Variants in VGLL3 observed in about 807,000 individuals in gnomAD.
The protein encoded by VGLL3 is vestigial like family member 3.
VGLL3 carries 18 observed loss-of-function variants against 29.2 expected under a neutral mutation model. That is an observed-to-expected ratio of 0.62 (90% CI 0.43 to 0.91). The LOEUF is 0.91. VGLL3 is among the 40% of genes least tolerant of loss of function. The pLI is 0.00. For synonymous variants in VGLL3, 180 were observed against 151.8 expected (o/e 1.19, Z -1.36); for missense variants, 440 against 413.2 (o/e 1.06, Z -0.56).
At chr3:86,960,937 A>G (rs1428194807) in intron 3 of VGLL3, among the ~76,000 whole-genome samples, 7 of 10,120 alleles carry the variant, frequency 6.9e-4, no homozygotes, top group African/African-American at 1.6e-3. Flanking sequence ...ATTGTGATAT[A>G]TATATATATA....
chr3:86,968,702 G>C lies in VGLL3; in HGVS notation c.825C>G (p.Pro275=), dbSNP rs1443157890. 1.5e-5 allele frequency: 24 copies of C among 1,614,040 alleles called. No individual in the cohort carries two copies. Among genetic ancestry groups the C allele is most frequent in the Non-Finnish European group, 2.0e-5 (24 of 1,180,042 alleles). ...GTTCTGTCTTTGTGATGTCACACTGGGGAGCAGGAATCCTGGCCGCATGCA... is the reference window on the plus strand; with the variant it reads ...GTTCTGTCTTTGTGATGTCACACTGCGGAGCAGGAATCCTGGCCGCATGCA... ...PSVHAARIPA[P]QCDITKTEPT... is the part of the protein sequence containing the mutation. Residue 275 remains proline (P), a synonymous_variant, in exon 3 of 4, where the codon CCC becomes CCG. Coordinates refer to ENST00000398399, the MANE Select transcript of VGLL3 (RefSeq NM_016206.4).
rs758837597 is a variant in VGLL3, at chr3:86,978,662, G to A, written c.267C>T (p.Val89=). 1 of 1,614,072 alleles carries A rather than the reference G, an allele frequency of 6.2e-7. No homozygotes were observed. Among genetic ancestry groups the A allele is most frequent in the Non-Finnish European group, 8.5e-7 (1 of 1,180,008 alleles). The change falls in exon 2 of 4, where the codon GTC becomes GTT. Residue 89 remains valine (V), a synonymous_variant. Transcript: ENST00000398399. ...TGTCTCCCTGGAAATAAGTGAAAAG[G>A]ACACAGCGAGAGTTAAGGTACTCCA... is the stretch of plus-strand genomic sequence containing the variant. The part of the protein sequence containing the change: ...AEMEYLNSRC[V]LFTYFQGDIG...
chr3:86,951,290 A>G (rs775624361), intron 3 of VGLL3, among the ~76,000 whole-genome samples: 24 of 152,178 alleles, frequency 1.6e-4, no homozygotes, highest in Non-Finnish European at 2.6e-4. Context: ...CAATAACCAA[A>G]TCTTATTTAC....
intron 3 of VGLL3, among the ~76,000 whole-genome samples, chr3:86,948,467 G>A (rs1293207397): frequency 6.6e-6 from 1 of 152,044 alleles, no homozygotes; most frequent in Non-Finnish European, 1.5e-5. Flanking sequence ...GAGACATTAA[G>A]GCAATCTACA....
rs1377824776 is a variant in VGLL3, at chr3:86,939,595, A to C, written c.*7429T>G. On this transcript the variant is annotated 3_prime_UTR_variant, in exon 4 of 4. Transcript: ENST00000398399. Reference sequence around the variant, plus strand: ...AGCCGAGATCGCGCCACTGCACTCCAGCCTGACGACAGAGCAAGACTCCAT... The same window carrying C: ...AGCCGAGATCGCGCCACTGCACTCCCGCCTGACGACAGAGCAAGACTCCAT... The C allele has an allele frequency of 3.9e-5, 6 of 152,960 alleles. No homozygotes were observed. The highest frequency in any genetic ancestry group is 9.7e-5 in the African/African-American group (4 of 41,446). 9.5% of individuals were successfully genotyped at this position (152,960 alleles called of 1,614,324 possible).
At chr3:86,978,871 C>T (rs1450499747) in intron 1 of VGLL3, 69 bp from the exon 2 acceptor site, 1 of 1,458,810 alleles carries the variant, frequency 6.9e-7, no homozygotes, top group African/African-American at 1.4e-5. Flanking sequence ...GTTAAGTTTT[C>T]ACTTTTTTAA....
rs928189472 is a variant in VGLL3, at chr3:86,944,993, C to G, written c.*2031G>C. 1 of 152,070 alleles carries G rather than the reference C, an allele frequency of 6.6e-6. No individual in the cohort carries two copies. Among genetic ancestry groups the G allele is most frequent in the African/African-American group, 2.4e-5 (1 of 41,380 alleles). 9.4% of individuals were successfully genotyped at this position (152,070 alleles called of 1,614,324 possible). ...TTATAAATTCACTAAATTTTGTGCT[C>G]CATGTATTTGGGCAAATTATAAATG... On this transcript the variant is annotated 3_prime_UTR_variant, in exon 4 of 4. Transcript: ENST00000398399.
chr3:86,963,203 C>T (rs1276764490), intron 3 of VGLL3: 1 of 154,772 alleles, frequency 6.5e-6, no homozygotes, highest in Non-Finnish European at 1.5e-5. Flanking sequence ...GCTTATGCAT[C>T]AAATGCATAA....
At chr3:86,989,776 A>G (rs528781509) in intron 1 of VGLL3, among the ~76,000 whole-genome samples, 1 of 152,166 alleles carries the variant, frequency 6.6e-6, no homozygotes, top group African/African-American at 2.4e-5. Context: ...GCACTAACTA[A>G]GCCTTGGCAC....
rs1369939334 is a variant in VGLL3 at position 86,962,581 on chromosome 3, T to C, written c.937+6009A>G. 4 of 964,528 alleles carry C rather than the reference T, an allele frequency of 4.1e-6. No individual in the cohort carries two copies. In the African/African-American group the frequency reaches 5.3e-5, roughly 13 times the overall value. 59.7% of individuals were successfully genotyped at this position (964,528 alleles called of 1,614,324 possible). Reference sequence around the variant, plus strand: ...AAAAACAAAAATTTAAATTTAAATATTTTAAAAATTGCATATATATGCTCT... The same window carrying C: ...AAAAACAAAAATTTAAATTTAAATACTTTAAAAATTGCATATATATGCTCT... On this transcript the variant is annotated intron_variant, in intron 3 of 3. Coordinates refer to ENST00000398399, the MANE Select transcript of VGLL3 (RefSeq NM_016206.4).
intron 3 of VGLL3, among the ~76,000 whole-genome samples, chr3:86,950,699 T>C (rs956010597): frequency 2.6e-5 from 4 of 152,188 alleles, no homozygotes; most frequent in African/African-American, 9.7e-5. Flanking sequence ...ATGACATAAA[T>C]GATGGCATAG....
Position 86,946,263 on chromosome 3 carries a change from C to T in VGLL3, c.*761G>A, listed in dbSNP as rs1029417754. 6.6e-6 allele frequency: 1 copy of T among 151,978 alleles called. No individual in the cohort carries two copies. Among genetic ancestry groups the T allele is most frequent in the Non-Finnish European group, 1.5e-5 (1 of 67,996 alleles). The allele number at this position is 151,978 out of a possible 1,614,324, so 9.4% of individuals were successfully genotyped here. On this transcript the variant is annotated 3_prime_UTR_variant, in exon 4 of 4. Transcript: ENST00000398399. ...GGGAGAAATCAAAGCAATAAAATAT[C>T]ATTTCTTTAGCACAGTCATTAAAAA...
intron 3 of VGLL3, among the ~76,000 whole-genome samples, chr3:86,952,408 C>T (rs779072940): frequency 7.2e-5 from 11 of 152,104 alleles, no homozygotes; most frequent in Non-Finnish European, 1.3e-4. Context: ...TTTAACAACA[C>T]CACTGATCAT....
chr3:86,968,586 T>C lies in VGLL3; in HGVS notation c.937+4A>G. 6.2e-7 allele frequency: 1 copy of C among 1,607,802 alleles called. No homozygotes were observed. The highest frequency in any genetic ancestry group is 8.5e-7 in the Non-Finnish European group (1 of 1,175,722). On this transcript the variant is annotated splice_donor_region_variant and intron_variant, in intron 3 of 3. Transcript: ENST00000398399. ...TATAGGAAGAAAGAAATCCAGCAGCTTACCTGTATCGAATCCCACGCTGGG... is the reference window on the plus strand; with the variant it reads ...TATAGGAAGAAAGAAATCCAGCAGCCTACCTGTATCGAATCCCACGCTGGG...
At chr3:86,951,876 G>A (rs752123406) in intron 3 of VGLL3, among the ~76,000 whole-genome samples, 12 of 152,108 alleles carry the variant, frequency 7.9e-5, no homozygotes, top group Non-Finnish European at 1.5e-4. Flanking sequence ...CCAGATGAGC[G>A]TCTTGCAGGG....
In VGLL3 at chr3:86,969,151, A is replaced by T. The variant is rs188163498; in HGVS notation, c.404-28T>A. The stretch of plus-strand genomic sequence containing the variant: ...GAGAAGACAGAAAATAAAAAACATT[A>T]TTAACATAAGACTCAGTTTTGGGAT... On this transcript the variant is annotated intron_variant, in intron 2 of 3. Coordinates refer to ENST00000398399, the MANE Select transcript of VGLL3 (RefSeq NM_016206.4). The T allele has an allele frequency of 3.7e-4, 562 of 1,534,090 alleles. 8 individuals are homozygous for T. The Admixed American group carries it at 0.01, about 28-fold the overall frequency.
At chr3:86,989,307 C>T (rs1481475149) in intron 1 of VGLL3, among the ~76,000 whole-genome samples, 1 of 152,112 alleles carries the variant, frequency 6.6e-6, no homozygotes, top group African/African-American at 2.4e-5. Context: ...GCTGGTGCTG[C>T]TGAATATTTT....
intron 2 of VGLL3, among the ~76,000 whole-genome samples, chr3:86,978,163 G>A (rs758693434): frequency 6.6e-6 from 1 of 152,154 alleles, no homozygotes; most frequent in Non-Finnish European, 1.5e-5. Context: ...CTATTGGAAT[G>A]AGCAAGAGCT....
At chr3:86,964,176 TAA>T (rs1248196325) in intron 3 of VGLL3, among the ~76,000 whole-genome samples, 3 of 152,184 alleles carry the variant, frequency 2.0e-5, no homozygotes, top group Admixed American at 6.5e-5. Context: ...CACCAACCAA[TAA>T]AGTTTTATTG....
Sources: allele counts gnomAD v4.1 joint callset (sites outside exome capture counted in the v4.1 genomes callset), GRCh38; gene constraint gnomAD v4.1.1; transcripts MANE v1.5; gene names NCBI Gene and HGNC (gene_info 2026-07-23, HGNC 2026-07-21).